POTEI: variants seen among roughly 807,000 people sequenced by gnomAD.
POTEI encodes the protein POTE ankyrin domain family member I.
In POTEI, 14 loss-of-function variants were observed where a neutral mutation model predicts 43.4. The ratio of observed to expected loss-of-function variants is 0.32; its 90% CI spans 0.21 to 0.50. POTEI has a LOEUF of 0.50. POTEI is among the 20% of genes least tolerant of loss of function. The pLI, the probability that POTEI is intolerant of heterozygous loss-of-function variation, is 0.98. For synonymous variants in POTEI, 95 were observed against 297.9 expected (o/e 0.32, Z 7.01); for missense variants, 235 against 795.4 (o/e 0.30, Z 8.47).
intron 6 of POTEI, among the ~76,000 whole-genome samples, chr2:130,493,308 T>C (rs1255515568): frequency 1.3e-5 from 1 of 77,132 alleles, no homozygotes; most frequent in Non-Finnish European, 2.9e-5. Context: ...AGTTCATCTG[T>C]CCCATTCTAT....
At chr2:130,504,986 GTT>G (rs1684116021) in intron 1 of POTEI, among the ~76,000 whole-genome samples, 1 of 131,648 alleles carries the variant, frequency 7.6e-6, no homozygotes, top group Non-Finnish European at 1.6e-5. Flanking sequence ...CACCAAGGGT[GTT>G]GGTTGTACAG....
At chr2:130,485,032 A>T (rs1339681513) in intron 9 of POTEI, among the ~76,000 whole-genome samples, 14 of 152,280 alleles carry the variant, frequency 9.2e-5, no homozygotes, top group African/African-American at 3.1e-4. Context: ...AGACTACATG[A>T]GGTGTAGATT....
At chr2:130,477,510 G>C (rs1203538909) in intron 10 of POTEI, among the ~76,000 whole-genome samples, 1 of 150,568 alleles carries the variant, frequency 6.6e-6, no homozygotes, top group Non-Finnish European at 1.5e-5. Flanking sequence ...CAAATAAACA[G>C]GTACCTCCTT....
chr2:130,482,468 A>G (rs1349407899), intron 9 of POTEI, among the ~76,000 whole-genome samples: 1 of 150,640 alleles, frequency 6.6e-6, no homozygotes, highest in Non-Finnish European at 1.5e-5. Context: ...AGGTTGTTAT[A>G]ATGATTTAAC....
chr2:130,477,887 A>C (rs1461673282), intron 10 of POTEI, among the ~76,000 whole-genome samples: 1 of 138,370 alleles, frequency 7.2e-6, no homozygotes, highest in Non-Finnish European at 1.5e-5. Context: ...AAAGAGTGAA[A>C]GTATTTGCCT....
intron 9 of POTEI, among the ~76,000 whole-genome samples, chr2:130,483,756 G>A (rs995299416): frequency 5.4e-5 from 8 of 148,928 alleles, no homozygotes; most frequent in African/African-American, 1.0e-4. Flanking sequence ...CACCACACCC[G>A]GTTAATTTTT....
intron 10 of POTEI, among the ~76,000 whole-genome samples, chr2:130,479,271 G>T (rs1365904382): frequency 2.0e-5 from 3 of 150,484 alleles, no homozygotes; most frequent in Non-Finnish European, 4.4e-5. Flanking sequence ...ATTTCTTACA[G>T]GAAAAAAAAA....
chr2:130,474,468 C>T lies in POTEI; in HGVS notation c.1688G>A (p.Gly563Asp). ...PENLTNGATA[G>D]NGDDGLIPPR... is the part of the protein sequence containing the mutation. ...AGGAATTAATCCATCATCACCATTG[C>T]CAGCAGTGGCACCATTAGTCAGGTT... Residue 563 changes from glycine to aspartate, a missense_variant, in exon 13 of 15, where the codon GGC becomes GAC. Transcript: ENST00000451531. 1 of 739,350 alleles carries T rather than the reference C, an allele frequency of 1.4e-6. No individual in the cohort carries two copies. The highest frequency in any genetic ancestry group is 2.2e-5 in the South Asian group (1 of 45,776). 45.8% of individuals were successfully genotyped at this position (739,350 alleles called of 1,614,324 possible).
At chr2:130,507,311 TATATATACACACACACAC>T (rs1464739750) in intron 1 of POTEI, among the ~76,000 whole-genome samples, 1 of 10,810 alleles carries the variant, frequency 9.3e-5, no homozygotes, top group Non-Finnish European at 4.0e-4. Context: ...TATATATATA[TATATATACACACACACAC>T]ACACACACAT....
intron 5 of POTEI, among the ~76,000 whole-genome samples, chr2:130,498,107 CT>C (rs1438790629): frequency 1.1e-4 from 11 of 96,626 alleles, no homozygotes; most frequent in Admixed American, 7.3e-4. Context: ...GGACTTTCTA[CT>C]GCCCAAGGTT....
rs1682636280 is a variant in POTEI, at chr2:130,461,524, TGG to T, written c.*1290_*1291del. On this transcript the variant is annotated 3_prime_UTR_variant, in exon 15 of 15. Transcript: ENST00000451531. ...GTACCTCTTCCACCCCTTGTCAGCT[TGG>T]GCTCTCCAAAGCCCGCAGGCCAGAA... The T allele has an allele frequency of 6.6e-6, 1 of 152,234 alleles. No individual in the cohort carries two copies. The highest frequency in any genetic ancestry group is 2.1e-4 in the South Asian group (1 of 4,832). 9.4% of individuals were successfully genotyped at this position (152,234 alleles called of 1,614,324 possible).
In POTEI at chr2:130,460,041, C is replaced by T. The variant is rs1291196956; in HGVS notation, c.*2775G>A. On this transcript the variant is annotated 3_prime_UTR_variant, in exon 15 of 15. Coordinates refer to ENST00000451531, the MANE Select transcript of POTEI (RefSeq NM_001277406.2). ...AGGAAGTTTCCAAATAAAGGGCTGC[C>T]GTATGGAGAGGCAATGTGCAGGCTG... The T allele has an allele frequency of 5.3e-5, 8 of 149,976 alleles. No homozygotes were observed. The highest frequency in any genetic ancestry group is 2.9e-5 in the Non-Finnish European group (2 of 68,008). 9.3% of individuals were successfully genotyped at this position (149,976 alleles called of 1,614,324 possible). A position where few individuals can be genotyped will look rare whatever the true frequency, so the allele number is the denominator to read the frequency against.
At chr2:130,468,604 C>G (rs1397955318) in intron 13 of POTEI, among the ~76,000 whole-genome samples, 7 of 151,956 alleles carry the variant, frequency 4.6e-5, no homozygotes, top group Middle Eastern at 3.4e-3. Context: ...ATGGAGGAAA[C>G]CGACCCCATG....
At chr2:130,507,401 T>TATAC (rs1345227582) in intron 1 of POTEI, among the ~76,000 whole-genome samples, 14 of 5,982 alleles carry the variant, frequency 2.3e-3, no homozygotes, top group African/African-American at 4.7e-3. Context: ...TATATGTATA[T>TATAC]ATGTGTATAT....
intron 9 of POTEI, among the ~76,000 whole-genome samples, chr2:130,483,402 T>G (rs1683464155): frequency 7.9e-6 from 1 of 127,250 alleles, no homozygotes; most frequent in Non-Finnish European, 1.6e-5. Context: ...AAGTTTGCAA[T>G]TCCTCTGACT....
intron 9 of POTEI, among the ~76,000 whole-genome samples, chr2:130,483,827 T>G (rs1469072198): frequency 6.6e-6 from 1 of 150,522 alleles, no homozygotes; most frequent in Non-Finnish European, 1.5e-5. Flanking sequence ...GTGATCCGCC[T>G]GCCTCGGCCT....
intron 10 of POTEI, among the ~76,000 whole-genome samples, chr2:130,478,645 G>T (rs1460008012): frequency 2.3e-5 from 3 of 132,738 alleles, no homozygotes; most frequent in African/African-American, 3.1e-5. Flanking sequence ...GACCGAATTT[G>T]CTGTGCTGCC....
At chr2:130,505,068 A>C in intron 1 of POTEI, among the ~76,000 whole-genome samples, 1 of 148,344 alleles carries the variant, frequency 6.7e-6, no homozygotes, top group Non-Finnish European at 1.5e-5. Context: ...CCCTCTTCCC[A>C]CCCTCCACCC....
chr2:130,484,259 G>A (rs1301316325), intron 9 of POTEI, among the ~76,000 whole-genome samples: 1 of 149,548 alleles, frequency 6.7e-6, no homozygotes, highest in Admixed American at 6.7e-5. Context: ...AAGAAACGAT[G>A]ACATAAGGTT....
Sources: allele counts gnomAD v4.1 joint callset (sites outside exome capture counted in the v4.1 genomes callset), GRCh38; gene constraint gnomAD v4.1.1; transcripts MANE v1.5; gene names NCBI Gene and HGNC (gene_info 2026-07-23, HGNC 2026-07-21).